The following NDUFAF6 variants were observed in gnomAD, a reference collection of about 807,000 sequenced individuals.
NDUFAF6 encodes NADH dehydrogenase (ubiquinone) complex I, assembly factor 6.
NDUFAF6 carries 45 observed loss-of-function variants against 40.8 expected under a neutral mutation model. That is an observed-to-expected ratio of 1.10 (90% CI 0.87 to 1.42). NDUFAF6 has a LOEUF of 1.42. Ranked by LOEUF, NDUFAF6 falls within the 40% of genes most tolerant of loss-of-function variation. The pLI, the probability that NDUFAF6 is intolerant of heterozygous loss-of-function variation, is 0.00. For synonymous variants in NDUFAF6, 185 were observed against 155.9 expected, an observed-to-expected ratio of 1.19 and a Z score of -1.39; for missense variants, 435 against 418.5, an observed-to-expected ratio of 1.04 and a Z score of -0.34.
chr8:95,106,938 C>G (rs1174477272), downstream of NDUFAF6, among the ~76,000 whole-genome samples: 1 of 152,156 alleles, frequency 6.6e-6, no homozygotes, highest in African/African-American at 2.4e-5. Flanking sequence ...AATGAGATAC[C>G]ATCTTACACC....
rs1466484375 is a variant in NDUFAF6 at position 95,058,590 on chromosome 8, C to T, written c.*653C>T. On this transcript the variant is annotated 3_prime_UTR_variant, in exon 9 of 9. Coordinates refer to ENST00000396124, the MANE Select transcript of NDUFAF6 (RefSeq NM_152416.4). ...GAAGCTTTTACTTTTTTGTTAATCC[C>T]ACTTCCTCACTCTGTCATTCAGCAT... The T allele has an allele frequency of 8.4e-7, 1 of 1,185,772 alleles. No individual in the cohort carries two copies. The allele number at this position is 1,185,772 out of a possible 1,614,324, so 73.5% of individuals were successfully genotyped here.
chr8:95,008,632 G>T (rs1016759838), intron 2 of NDUFAF6, among the ~76,000 whole-genome samples: 2 of 152,006 alleles, frequency 1.3e-5, no homozygotes, highest in Non-Finnish European at 1.5e-5. Context: ...TCAGCCTCTC[G>T]AGTAGCCAGG....
chr8:94,949,681 G>A (rs536721163), intron 2 of NDUFAF6, among the ~76,000 whole-genome samples: 16 of 152,306 alleles, frequency 1.1e-4, no homozygotes, highest in African/African-American at 3.8e-4. Flanking sequence ...AGCGGGGTGC[G>A]TAAGAGGCGG....
intron 2 of NDUFAF6, among the ~76,000 whole-genome samples, chr8:94,982,851 C>G (rs1208297166): frequency 6.6e-6 from 1 of 152,250 alleles, no homozygotes; most frequent in African/African-American, 2.4e-5. Flanking sequence ...AGTTGAGACT[C>G]TGTATCTCTC....
chr8:95,025,182 C>A lies in NDUFAF6; in HGVS notation c.174C>A (p.Asp58Glu). 1 of 1,473,856 alleles carries A rather than the reference C, an allele frequency of 6.8e-7. No individual in the cohort carries two copies. 91.3% of individuals were successfully genotyped at this position (1,473,856 alleles called of 1,614,324 possible). Residue 58 changes from aspartate (D) to glutamate (E), a missense_variant, in exon 1 of 9, where the codon GAC becomes GAA. Coordinates refer to ENST00000396124, the MANE Select transcript of NDUFAF6 (RefSeq NM_152416.4). ...AASGPGAWGT[D>E]HYCLELLRKR... ...GCGGACCGGGCGCCTGGGGCACTGA[C>A]CACTACTGCCTGGAGCTGCTGCGGT... is the stretch of plus-strand genomic sequence containing the variant.
Position 95,109,587 on chromosome 8 carries a change from TAGAGAGAGAGAGAGAGAG to T in NDUFAF6, n.345-5933_345-5916del, listed in dbSNP as rs71695882. ...AGAGATGTAGCGTTAGATAGATAGA[TAGAGAGAGAGAGAGAGAG>T]AGAGAGAGAGAGAGACCTTCATGAT... On this transcript the variant is annotated intron_variant and non_coding_transcript_variant, in intron 4 of 5. Coordinates refer to the NDUFAF6 transcript ENST00000523184. 4.2e-5 allele frequency among the ~76,000 whole-genome samples: 6 copies of T among 142,328 alleles called. No homozygotes were observed. The East Asian group carries it at 9.7e-4, about 23-fold the overall frequency. The allele number at this position is 142,328 out of a possible 152,430, so 93.4% of individuals were successfully genotyped here. A position where few individuals can be genotyped will look rare whatever the true frequency, so the allele number is the denominator to read the frequency against.
At chr8:94,936,868 C>A (rs1379427418) in intron 1 of NDUFAF6, among the ~76,000 whole-genome samples, 1 of 152,150 alleles carries the variant, frequency 6.6e-6, no homozygotes, top group African/African-American at 2.4e-5. Flanking sequence ...AGACATTCCT[C>A]TTCTACTCTC....
chr8:95,038,361 C>T (rs540741854), intron 3 of NDUFAF6, among the ~76,000 whole-genome samples: 14 of 151,952 alleles, frequency 9.2e-5, no homozygotes, highest in East Asian at 1.9e-4. Context: ...AAAAATTTAG[C>T]GAATATTTTC....
At chr8:95,019,925 A>G (rs1364294056) in intron 2 of NDUFAF6, among the ~76,000 whole-genome samples, 1 of 152,202 alleles carries the variant, frequency 6.6e-6, no homozygotes, top group African/African-American at 2.4e-5. Context: ...AGGGCCAGGC[A>G]TGAAGGCTCA....
At chr8:94,922,290 A>T (rs117774481) in intron 1 of NDUFAF6, among the ~76,000 whole-genome samples, 1 of 151,920 alleles carries the variant, frequency 6.6e-6, no homozygotes, top group Non-Finnish European at 1.5e-5. Flanking sequence ...AATTACAGGC[A>T]TGAACCACCG....
chr8:95,025,267 CGCCTCGCGTCTGGCCT>C, intron 1 of NDUFAF6, 62 bp downstream of exon 1: 1 of 1,331,580 alleles, frequency 7.5e-7, no homozygotes, highest in Non-Finnish European at 9.6e-7. Flanking sequence ...GGAGCGGCTG[CGCCTCGCGTCTGGCCT>C]GACGTTTGAG....
upstream of NDUFAF6, among the ~76,000 whole-genome samples, chr8:95,021,758 T>C (rs778340028): frequency 2.6e-5 from 4 of 152,216 alleles, no homozygotes; most frequent in Non-Finnish European, 5.9e-5. Flanking sequence ...TAAATATATA[T>C]AAGTGTTTCC....
At chr8:95,059,476 G>A (rs1832512042), downstream of NDUFAF6, among the ~76,000 whole-genome samples, 1 of 152,164 alleles carries the variant, frequency 6.6e-6, no homozygotes, top group Non-Finnish European at 1.5e-5. Flanking sequence ...ACTCTTAGTT[G>A]GTACTGATGT....
At chr8:94,998,424 A>G (rs1826560880) in intron 2 of NDUFAF6, among the ~76,000 whole-genome samples, 1 of 151,790 alleles carries the variant, frequency 6.6e-6, no homozygotes, top group Non-Finnish European at 1.5e-5. Context: ...ACACGCAATG[A>G]CAGCATATTA....
Position 94,909,348 on chromosome 8 carries a change from CAAAAAAAAAAAAAAAAA to C in NDUFAF6, c.-936+13439_-936+13455del, listed in dbSNP as rs556065794. Among the ~76,000 whole-genome samples the C allele has an allele frequency of 5.5e-4, 51 of 91,906 alleles. 1 individual carries two copies. The highest frequency in any genetic ancestry group is 1.4e-3 in the Admixed American group (11 of 7,688). The allele number at this position is 91,906 out of a possible 152,430, so 60.3% of individuals were successfully genotyped here. On this transcript the variant is annotated intron_variant, in intron 1 of 14. Coordinates refer to the NDUFAF6 transcript ENST00000396113. ...TGGACGACAGAGGGAGACTCCGTCT[CAAAAAAAAAAAAAAAAA>C]AAAAAAAAAAAAAAAAACACTTCGG...
At chr8:94,947,284 TAAA>T (rs11331443) in intron 2 of NDUFAF6, among the ~76,000 whole-genome samples, 3 of 143,140 alleles carry the variant, frequency 2.1e-5, no homozygotes, top group Non-Finnish European at 3.0e-5. Context: ...CAAAAAATAT[TAAA>T]AAAAAAAAAA....
chr8:95,073,124 G>A (rs1043707991), intron 9 of NDUFAF6: 1 of 152,688 alleles, frequency 6.5e-6, no homozygotes, highest in African/African-American at 2.4e-5. Context: ...ACGCGCTGAG[G>A]GCTAGGAGGG....
downstream of NDUFAF6, among the ~76,000 whole-genome samples, chr8:95,079,036 G>GTGA (rs1808732504): frequency 4.6e-5 from 7 of 152,008 alleles, no homozygotes; most frequent in Admixed American, 4.6e-4. Context: ...CTGCAGTGGT[G>GTGA]TGATCTTGGC....
chr8:95,052,166 CT>C lies in NDUFAF6; in HGVS notation c.817-3del. On this transcript the variant is annotated splice_region_variant and splice_polypyrimidine_tract_variant and intron_variant, in intron 7 of 8. Transcript: ENST00000396124. ...TTTGAACGAGCTTCCTCTCCTCTTC[CT>C]TTTTAGGCTAGGTCCTTTCACAAAA... is the stretch of plus-strand genomic sequence containing the variant. 6.2e-7 allele frequency: 1 copy of C among 1,613,986 alleles called. No individual in the cohort carries two copies. The highest frequency in any genetic ancestry group is 8.5e-7 in the Non-Finnish European group (1 of 1,179,902).
Sources: gnomAD v4.1 joint callset for allele counts (sites outside exome capture counted in the v4.1 genomes callset) on GRCh38, gnomAD v4.1.1 for gene constraint, MANE v1.5 for transcripts, NCBI Gene and HGNC (gene_info 2026-07-23, HGNC 2026-07-21) for gene names.